The following TBC1D24 variants were observed in gnomAD, a reference collection of about 807,000 sequenced individuals.
The protein encoded by TBC1D24 is TBC1 domain family member 24.
In TBC1D24, 47 loss-of-function variants were observed where a neutral mutation model predicts 50.7. That is an observed-to-expected ratio of 0.93 (90% confidence interval 0.73 to 1.18). The LOEUF is 1.18. Ranked by LOEUF, TBC1D24 falls within the 50% of genes most tolerant of loss-of-function variation. The probability of loss-of-function intolerance (pLI) is 0.00; values close to 1 mark genes in which losing one functional copy is unlikely to be tolerated. For missense variants in TBC1D24, 688 were observed against 766.5 expected, an observed-to-expected ratio of 0.90 and a Z score of 1.21; for synonymous variants, 324 against 335.2, an observed-to-expected ratio of 0.97 and a Z score of 0.36.
At chr16:2,491,392 AT>A (rs111817337) in intron 1 of TBC1D24, among the ~76,000 whole-genome samples, 4 of 146,232 alleles carry the variant, frequency 2.7e-5, no homozygotes, top group African/African-American at 7.6e-5. Flanking sequence ...TTTTCATTTT[AT>A]TTTTTTTTTC....
intron 1 of TBC1D24, among the ~76,000 whole-genome samples, chr16:2,494,428 G>T (rs2065720984): frequency 6.6e-6 from 1 of 150,508 alleles, no homozygotes; most frequent in African/African-American, 2.5e-5. Flanking sequence ...AAAAAAAAAG[G>T]GAGAACTAGA....
Position 2,482,605 on chromosome 16 carries a change from G to T in TBC1D24, c.-116+7435G>T, listed in dbSNP as rs528409538. ...GCGGGGGACACCAGGAGAGGGTTTC[G>T]GGTGGAGAACGGTGACCGGGTGAAG... On this transcript the variant is annotated intron_variant, in intron 1 of 7. Transcript: ENST00000646147. This position sits in a 1 kb window ranked among gnomAD's most constrained non-coding sequence, Gnocchi z 5.2. 6.6e-6 allele frequency among the ~76,000 whole-genome samples: 1 copy of T among 152,192 alleles called. No homozygotes were observed. The highest frequency in any genetic ancestry group is 1.5e-5 in the Non-Finnish European group (1 of 68,028).
Position 2,499,750 on chromosome 16 carries a change from C to T in TBC1D24, c.1207-85C>T. 8.1e-7 allele frequency: 1 copy of T among 1,227,390 alleles called. No homozygotes were observed. Among genetic ancestry groups the T allele is most frequent in the Non-Finnish European group, 1.2e-6 (1 of 827,696 alleles). The allele number at this position is 1,227,390 out of a possible 1,614,324, so 76.0% of individuals were successfully genotyped here. A position where few individuals can be genotyped will look rare whatever the true frequency, so the allele number is the denominator to read the frequency against. The stretch of plus-strand genomic sequence containing the variant: ...GCAATGCCTGCACCCCCACCTGTGA[C>T]CTGGGACAGGCCCGTCAGTAGTCTG... On this transcript the variant is annotated intron_variant, in intron 5 of 7. Transcript: ENST00000646147. The surrounding 1 kb of genome is among the most constrained non-coding windows in gnomAD (Gnocchi z 4.0).
chr16:2,496,953 A>G lies in TBC1D24; in HGVS notation c.805A>G (p.Ile269Val), dbSNP rs1417808543. 1 of 1,613,932 alleles carries G rather than the reference A, an allele frequency of 6.2e-7. No homozygotes were observed. The highest frequency in any genetic ancestry group is 1.3e-5 in the African/African-American group (1 of 74,956). Residue 269 changes from isoleucine (I) to valine (V), a missense_variant, in exon 2 of 8, where the codon ATC becomes GTC. By Grantham distance (29) the Ile-to-Val change is conservative. Coordinates refer to ENST00000646147, the MANE Select transcript of TBC1D24 (RefSeq NM_001199107.2). Reference sequence around the variant, plus strand: ...GGAGTCGGACAGCGTGAAGCAGGACATCCGCACGTTCGTCAGAGACATCGC... The same window carrying G: ...GGAGTCGGACAGCGTGAAGCAGGACGTCCGCACGTTCGTCAGAGACATCGC... ...PLESDSVKQDIRTFVRDIAKT... is the reference protein window; with the variant it reads ...PLESDSVKQDVRTFVRDIAKT...
chr16:2,498,111 G>A, intron 3 of TBC1D24, 127 bp from the exon 4 acceptor site: 1 of 1,290,782 alleles, frequency 7.7e-7, no homozygotes. Flanking sequence ...CCTAAACCGG[G>A]GCCGGGGCAA....
At position 2,496,050 on chromosome 16, in the gene TBC1D24, C is replaced by G. The variant is rs540861763; in HGVS notation, c.-99C>G. On this transcript the variant is annotated 5_prime_UTR_variant, in exon 2 of 8. Transcript: ENST00000646147. The stretch of plus-strand genomic sequence containing the variant: ...ATCCTGCAGGGTGTGAGATGGCAGA[C>G]AGGTTTGCAGGAAACCCTCAGAAAG... 5.2e-5 allele frequency: 78 copies of G among 1,493,202 alleles called. No individual in the cohort carries two copies. In the African/African-American group the frequency reaches 9.5e-4, roughly 18 times the overall value. The allele number at this position is 1,493,202 out of a possible 1,614,324, so 92.5% of individuals were successfully genotyped here. A position where few individuals can be genotyped will look rare whatever the true frequency, so the allele number is the denominator to read the frequency against.
At position 2,503,302 on chromosome 16, in the gene TBC1D24, G is replaced by A. The variant is rs1270502489; in HGVS notation, c.*2344G>A. On this transcript the variant is annotated 3_prime_UTR_variant, in exon 8 of 8. Transcript: ENST00000646147. The stretch of plus-strand genomic sequence containing the variant: ...ACTTTTCTACTAACCTAGAAGGTAT[G>A]TGTGATTATTATCTTTTTTATTCTT... 6.6e-6 allele frequency: 1 copy of A among 152,176 alleles called. No homozygotes were observed. Among genetic ancestry groups the A allele is most frequent in the Non-Finnish European group, 1.5e-5 (1 of 68,032 alleles). 9.4% of individuals were successfully genotyped at this position (152,176 alleles called of 1,614,324 possible). A position where few individuals can be genotyped will look rare whatever the true frequency, so the allele number is the denominator to read the frequency against.
intron 1 of TBC1D24, among the ~76,000 whole-genome samples, chr16:2,488,713 T>A (rs1210947443): frequency 1.3e-5 from 2 of 150,400 alleles, no homozygotes; most frequent in African/African-American, 4.9e-5. Flanking sequence ...TTTCACCATG[T>A]TAGCCAGGAT....
rs150926384 is a variant in TBC1D24 at position 2,497,802 on chromosome 16, T to G, written c.983+75T>G. The G allele has an allele frequency of 2.2e-3, 3,211 of 1,457,678 alleles. 17 individuals carry two copies. The highest frequency in any genetic ancestry group is 0.019 in the African/African-American group (1,338 of 71,544). The allele number at this position is 1,457,678 out of a possible 1,614,324, so 90.3% of individuals were successfully genotyped here. ...CTGACTCTAGGCCAGCTGCTTGCTC[T>G]GGGTCTCAGGGCTGCTCTCGTGGGC... On this transcript the variant is annotated intron_variant, in intron 3 of 7. Transcript: ENST00000646147.
rs1014445096 is a variant in TBC1D24, at chr16:2,496,049, A to G, written c.-100A>G. On this transcript the variant is annotated 5_prime_UTR_variant, in exon 2 of 8. Transcript: ENST00000646147. ...AATCCTGCAGGGTGTGAGATGGCAG[A>G]CAGGTTTGCAGGAAACCCTCAGAAA... 31 of 1,490,070 alleles carry G rather than the reference A, an allele frequency of 2.1e-5. No homozygotes were observed. Among genetic ancestry groups the G allele is most frequent in the Non-Finnish European group, 2.9e-5 (31 of 1,086,376 alleles). 92.3% of individuals were successfully genotyped at this position (1,490,070 alleles called of 1,614,324 possible).
Position 2,496,059 on chromosome 16 carries a change from A to G in TBC1D24, c.-90A>G. The G allele has an allele frequency of 1.3e-6, 2 of 1,554,446 alleles. No individual in the cohort carries two copies. The highest frequency in any genetic ancestry group is 1.8e-6 in the Non-Finnish European group (2 of 1,138,242). On this transcript the variant is annotated 5_prime_UTR_variant, in exon 2 of 8. Transcript: ENST00000646147. ...GGTGTGAGATGGCAGACAGGTTTGC[A>G]GGAAACCCTCAGAAAGGGGGCTGGA...
chr16:2,494,050 G>A (rs532442601), intron 1 of TBC1D24, among the ~76,000 whole-genome samples: 3 of 152,328 alleles, frequency 2.0e-5, no homozygotes, highest in Non-Finnish European at 4.4e-5. Context: ...GTTAAGAGCC[G>A]GCTTCAGAAT....
In TBC1D24 at chr16:2,504,429, T is replaced by C. The variant is rs1813348347; in HGVS notation, c.*3471T>C. 1 of 146,902 alleles carries C rather than the reference T, an allele frequency of 6.8e-6. No homozygotes were observed. The highest frequency in any genetic ancestry group is 1.5e-5 in the Non-Finnish European group (1 of 66,822). 9.1% of individuals were successfully genotyped at this position (146,902 alleles called of 1,614,324 possible). The stretch of plus-strand genomic sequence containing the variant: ...GAGATTGTCCCTTTTTTTTTTTTTT[T>C]TTTTTTTGAGACAGAGTCTCGCTCT... On this transcript the variant is annotated 3_prime_UTR_variant, in exon 8 of 8. Transcript: ENST00000646147.
At chr16:2,490,021 G>T (rs1483115255) in intron 1 of TBC1D24, among the ~76,000 whole-genome samples, 1 of 152,200 alleles carries the variant, frequency 6.6e-6, no homozygotes, top group African/African-American at 2.4e-5. Flanking sequence ...CTACTCTGCT[G>T]GTGTCTGGAG....
At chr16:2,492,857 C>T (rs1401557505) in intron 1 of TBC1D24, among the ~76,000 whole-genome samples, 1 of 152,150 alleles carries the variant, frequency 6.6e-6, no homozygotes, top group African/African-American at 2.4e-5. Flanking sequence ...CTTTGGGAGG[C>T]TGAGGCGGGC....
In TBC1D24 at chr16:2,496,898, C is replaced by A; in HGVS notation, c.750C>A (p.Phe250Leu). 1 of 1,614,108 alleles carries A rather than the reference C, an allele frequency of 6.2e-7. No individual in the cohort carries two copies. Among genetic ancestry groups the A allele is most frequent in the Non-Finnish European group, 8.5e-7 (1 of 1,180,044 alleles). The change falls in exon 2 of 8, where the codon TTC becomes TTA. Residue 250 changes from phenylalanine (F) to leucine (L), a missense_variant. Phe to Leu is a conservative substitution (Grantham distance 22). Coordinates refer to ENST00000646147, the MANE Select transcript of TBC1D24 (RefSeq NM_001199107.2). ...GCGTGGCGCTGGCCATCCTCAAGTT[C>A]TTCCACAAGGTGAGGGCCGGGCAGC... Reference protein sequence around the residue: ...LYRVALAILKFFHKVRAGQPL... With the variant: ...LYRVALAILKLFHKVRAGQPL...
rs2065775034 is a variant in TBC1D24, at chr16:2,499,801, T to C, written c.1207-34T>C. The C allele has an allele frequency of 3.1e-6, 5 of 1,589,694 alleles. No individual in the cohort carries two copies. The East Asian group carries it at 8.9e-5, about 28-fold the overall frequency. Reference sequence around the variant, plus strand: ...GAGCACAGGGACGCTCCTGGGGGCCTGCGGGCACAGCCTCACCCAGACCTT... The same window carrying C: ...GAGCACAGGGACGCTCCTGGGGGCCCGCGGGCACAGCCTCACCCAGACCTT... On this transcript the variant is annotated intron_variant, in intron 5 of 7. Transcript: ENST00000646147. The surrounding 1 kb of genome is among the most constrained non-coding windows in gnomAD (Gnocchi z 4.0).
intron 1 of TBC1D24, among the ~76,000 whole-genome samples, chr16:2,493,137 GT>G (rs913815717): frequency 3.3e-5 from 5 of 149,930 alleles, no homozygotes; most frequent in African/African-American, 1.0e-4. Context: ...TAAATTTTTT[GT>G]TTGTTTGTTT....
chr16:2,494,383 G>A (rs1025679496), intron 1 of TBC1D24, among the ~76,000 whole-genome samples: 1 of 150,482 alleles, frequency 6.6e-6, no homozygotes, highest in Non-Finnish European at 1.5e-5. Context: ...CTGCACTCCA[G>A]CCCGTGCGAC....
Sources: allele counts gnomAD v4.1 joint callset (sites outside exome capture counted in the v4.1 genomes callset), GRCh38; gene constraint gnomAD v4.1.1; non-coding constraint Gnocchi (gnomAD v3.1); transcripts MANE v1.5; gene names NCBI Gene and HGNC (gene_info 2026-07-23, HGNC 2026-07-21).